EPM2A: variants seen among roughly 807,000 people sequenced by gnomAD.
The protein encoded by EPM2A is laforin.
A neutral mutation model predicts 26.5 loss-of-function variants in EPM2A; 21 were observed. That is an observed-to-expected ratio of 0.79 (90% CI 0.56 to 1.14). The LOEUF (loss-of-function observed/expected upper bound fraction) is 1.14. EPM2A is among the 50% of genes most tolerant of loss of function. The probability of loss-of-function intolerance (pLI) is 0.00; values close to 1 mark genes in which losing one functional copy is unlikely to be tolerated. For synonymous variants in EPM2A, 217 were observed against 177.6 expected (o/e 1.22, Z -1.76); for missense variants, 458 against 440.8 (o/e 1.04, Z -0.35).
chr6:145,543,704 C>G (rs1198236633), intron 2 of EPM2A, among the ~76,000 whole-genome samples: 1 of 152,172 alleles, frequency 6.6e-6, no homozygotes, highest in South Asian at 2.1e-4. Flanking sequence ...CTCCTGAATA[C>G]TAAGACATTG....
chr6:145,389,722 C>T (rs1778312357), intron 4 of EPM2A, among the ~76,000 whole-genome samples: 1 of 152,116 alleles, frequency 6.6e-6, no homozygotes, highest in African/African-American at 2.4e-5. Flanking sequence ...GCTTGATAAG[C>T]AGTGAAGGTC....
intron 3 of EPM2A, chr6:145,630,421 T>A (rs374072100): frequency 1.3e-5 from 2 of 151,984 alleles, no homozygotes; most frequent in Non-Finnish European, 2.9e-5. Context: ...GAGACCAGTC[T>A]GGCCAACATG....
rs377664521 is a variant in EPM2A at position 145,535,930 on chromosome 6, G to A, written c.341-33355C>T. On this transcript the variant is annotated intron_variant, in intron 2 of 3. Coordinates refer to the EPM2A transcript ENST00000450221. The stretch of plus-strand genomic sequence containing the variant: ...TGAAGCCCTGCTTTGATGTGTTTAA[G>A]GTAGGGGAAAAAATCCTTTTAAATG... 6.3e-4 allele frequency among the ~76,000 whole-genome samples: 96 copies of A among 152,252 alleles called. 1 individual carries two copies. Among genetic ancestry groups the A allele is most frequent in the South Asian group, 4.8e-3 (23 of 4,820 alleles).
At chr6:145,659,960 C>T (rs1778568379) in intron 2 of EPM2A, among the ~76,000 whole-genome samples, 1 of 152,060 alleles carries the variant, frequency 6.6e-6, no homozygotes, top group Non-Finnish European at 1.5e-5. Context: ...GTAGCAGAGT[C>T]GCTTTGAACC....
intron 4 of EPM2A, among the ~76,000 whole-genome samples, chr6:145,437,874 T>C (rs892160139): frequency 4.6e-5 from 7 of 152,244 alleles, no homozygotes; most frequent in Non-Finnish European, 5.9e-5. Context: ...CTGTTTAGGT[T>C]ACTTAATGGA....
At position 145,635,308 on chromosome 6, in the gene EPM2A, T is replaced by G; in HGVS notation, c.655A>C (p.Lys219Gln). The change falls in exon 3 of 4, where the codon AAA becomes CAA. Residue 219 changes from lysine (K) to glutamine (Q), a missense_variant. Physicochemically the swap from Lys to Gln is moderately conservative, Grantham distance 53. Transcript: ENST00000367519. The part of the protein sequence containing the change: ...PEPMTPDTMI[K>Q]LYREEGLAYI... Reference sequence around the variant, plus strand: ...GCCAAGCCTTCTTCCCTATATAGTTTAATCATAGTGTCTGGAGTCATGGGC... The same window carrying G: ...GCCAAGCCTTCTTCCCTATATAGTTGAATCATAGTGTCTGGAGTCATGGGC... The G allele has an allele frequency of 6.2e-7, 1 of 1,614,118 alleles. No individual in the cohort carries two copies. The highest frequency in any genetic ancestry group is 8.5e-7 in the Non-Finnish European group (1 of 1,179,940).
intron 1 of EPM2A, among the ~76,000 whole-genome samples, chr6:145,696,878 A>G (rs1230735655): frequency 6.6e-6 from 1 of 151,378 alleles, no homozygotes; most frequent in Admixed American, 6.6e-5. Context: ...TATTTTGATG[A>G]CAAATAATAT....
At chr6:145,726,739 T>A (rs1416615196) in intron 1 of EPM2A, among the ~76,000 whole-genome samples, 1 of 152,108 alleles carries the variant, frequency 6.6e-6, no homozygotes, top group South Asian at 2.1e-4. Context: ...TATTCAAAAC[T>A]TTTAAGGTCA....
intron 2 of EPM2A, among the ~76,000 whole-genome samples, chr6:145,657,670 C>T (rs1778395048): frequency 6.6e-6 from 1 of 152,140 alleles, no homozygotes; most frequent in Admixed American, 6.5e-5. Flanking sequence ...TTTCTAACAA[C>T]CTCTTTGGTC....
chr6:145,681,974 G>T (rs1780570970), intron 2 of EPM2A, among the ~76,000 whole-genome samples: 1 of 152,088 alleles, frequency 6.6e-6, no homozygotes, highest in East Asian at 1.9e-4. Context: ...GAGAAAATTA[G>T]GTGGCTACCC....
chr6:145,494,556 A>G (rs1026096706), intron 4 of EPM2A, among the ~76,000 whole-genome samples: 2 of 151,508 alleles, frequency 1.3e-5, no homozygotes, highest in African/African-American at 4.9e-5. Context: ...TTGGTTCTCT[A>G]TTTCTTTTAG....
chr6:145,463,104 C>T (rs1227664660), intron 4 of EPM2A: 2 of 152,118 alleles, frequency 1.3e-5, no homozygotes, highest in African/African-American at 4.8e-5. Context: ...GAATCTCACT[C>T]CCCTCTTCAC....
chr6:145,709,554 G>T (rs1434228731), intron 1 of EPM2A, among the ~76,000 whole-genome samples: 1 of 152,194 alleles, frequency 6.6e-6, no homozygotes, highest in Non-Finnish European at 1.5e-5. Context: ...CCCCAGCCAT[G>T]TGGAACTGTG....
At chr6:145,695,008 AAT>A (rs1374846760) in intron 1 of EPM2A, among the ~76,000 whole-genome samples, 1 of 152,056 alleles carries the variant, frequency 6.6e-6, no homozygotes, top group East Asian at 1.9e-4. Context: ...TCAGATTCAA[AAT>A]AGTCTTTTGC....
At chr6:145,619,733 CAAAAAG>C (rs950503900) in intron 2 of EPM2A, among the ~76,000 whole-genome samples, 32 of 151,754 alleles carry the variant, frequency 2.1e-4, no homozygotes, top group African/African-American at 5.8e-4. Context: ...TTTAAGAACA[CAAAAAG>C]AAAAAGAGGA....
At chr6:145,673,630 G>A (rs1018754585) in intron 2 of EPM2A, among the ~76,000 whole-genome samples, 3 of 152,304 alleles carry the variant, frequency 2.0e-5, no homozygotes, top group Admixed American at 6.5e-5. Context: ...TCTCTCCCGT[G>A]CCTAGCTCGG....
chr6:145,592,345 C>A (rs1006386009), intron 2 of EPM2A, among the ~76,000 whole-genome samples: 2 of 151,962 alleles, frequency 1.3e-5, no homozygotes, highest in East Asian at 3.9e-4. Flanking sequence ...TGAACTCATC[C>A]TTTTTTATGG....
downstream of EPM2A, among the ~76,000 whole-genome samples, chr6:145,496,729 T>TG (rs71028353): frequency 0.051 from 3,716 of 72,738 alleles, 629 homozygotes; most frequent in Admixed American, 0.087. Context: ...GTTCCTGCAA[T>TG]TTTTTTTTTT....
downstream of EPM2A, among the ~76,000 whole-genome samples, chr6:145,620,342 G>A (rs895645653): frequency 6.6e-6 from 1 of 152,106 alleles, no homozygotes; most frequent in Non-Finnish European, 1.5e-5. Context: ...GATCTGACAG[G>A]AGGCAGAGCT....
Sources: gnomAD v4.1 joint callset for allele counts (sites outside exome capture counted in the v4.1 genomes callset) on GRCh38, gnomAD v4.1.1 for gene constraint, MANE v1.5 for transcripts, NCBI Gene and HGNC (gene_info 2026-07-23, HGNC 2026-07-21) for gene names.